HHAT: variants seen among roughly 807,000 people sequenced by gnomAD.
The protein encoded by HHAT is protein-cysteine N-palmitoyltransferase HHAT.
Under a neutral mutation model 70.8 loss-of-function variants are expected in HHAT, and 47 were observed. The ratio of observed to expected loss-of-function variants is 0.66; its 90% CI spans 0.53 to 0.85. The LOEUF is 0.85. HHAT is among the 40% of genes least tolerant of loss of function. HHAT has a pLI of 0.00. For missense variants in HHAT, 609 were observed against 604.8 expected (o/e 1.01, Z -0.07); for synonymous variants, 228 against 247.6 (o/e 0.92, Z 0.74).
In HHAT at chr1:210,674,392, C is replaced by G. The variant is rs760058152; in HGVS notation, c.*13C>G. On this transcript the variant is annotated 3_prime_UTR_variant, in exon 12 of 12. Coordinates refer to ENST00000261458, the MANE Select transcript of HHAT (RefSeq NM_018194.6). ...CGCCACGGACTAATGCTGTTGGGCCCAGGCCAGTCCTTGTTGCTGGCCTCC... is the reference window on the plus strand; with the variant it reads ...CGCCACGGACTAATGCTGTTGGGCCGAGGCCAGTCCTTGTTGCTGGCCTCC... 1 of 1,607,984 alleles carries G rather than the reference C, an allele frequency of 6.2e-7. No homozygotes were observed. Among genetic ancestry groups the G allele is most frequent in the Admixed American group, 1.7e-5 (1 of 60,000 alleles).
At chr1:210,543,273 G>T (rs2095448846) in intron 9 of HHAT, among the ~76,000 whole-genome samples, 1 of 151,946 alleles carries the variant, frequency 6.6e-6, no homozygotes, top group African/African-American at 2.4e-5. Flanking sequence ...TCAGTAGGAT[G>T]GTTTGGCATG....
chr1:210,606,210 T>A (rs948897778), intron 10 of HHAT, among the ~76,000 whole-genome samples: 3 of 152,176 alleles, frequency 2.0e-5, no homozygotes, highest in Non-Finnish European at 4.4e-5. Context: ...TTATGAAATG[T>A]TAGCATCTTA....
intron 8 of HHAT, among the ~76,000 whole-genome samples, chr1:210,494,243 TG>T (rs2094596097): frequency 6.6e-6 from 1 of 152,136 alleles, no homozygotes; most frequent in South Asian, 2.1e-4. Flanking sequence ...TGATGTGTCT[TG>T]GGTCTTTAAA....
chr1:210,465,623 C>T (rs116444270), intron 8 of HHAT, among the ~76,000 whole-genome samples: 199 of 152,306 alleles, frequency 1.3e-3, no homozygotes, highest in African/African-American at 4.6e-3. Context: ...CAGGCTTATT[C>T]ATTCTTAAAT....
chr1:210,515,208 G>C (rs1356743547), intron 9 of HHAT, among the ~76,000 whole-genome samples: 1 of 152,190 alleles, frequency 6.6e-6, no homozygotes, highest in Non-Finnish European at 1.5e-5. Flanking sequence ...TCCAACTGGG[G>C]AATGAGAAGT....
chr1:210,559,877 T>C lies in HHAT; in HGVS notation c.1044-28021T>C, dbSNP rs2095605730. Among the ~76,000 whole-genome samples the C allele has an allele frequency of 2.0e-5, 3 of 152,330 alleles. No homozygotes were observed. The South Asian group carries it at 6.2e-4, about 32-fold the overall frequency. The stretch of plus-strand genomic sequence containing the variant: ...TCAGACTCTATTATCTGAGAAATTA[T>C]GGCAATTCCTTCCCAAAGACATTTC... On this transcript the variant is annotated intron_variant, in intron 9 of 11. Transcript: ENST00000261458.
At chr1:210,667,505 A>G (rs538803479) in intron 11 of HHAT, among the ~76,000 whole-genome samples, 1 of 152,360 alleles carries the variant, frequency 6.6e-6, no homozygotes, top group African/African-American at 2.4e-5. Context: ...CAAATCTATG[A>G]TTTGCTAACA....
intron 10 of HHAT, among the ~76,000 whole-genome samples, chr1:210,616,094 G>A (rs546342888): frequency 7.0e-4 from 107 of 152,290 alleles, no homozygotes; most frequent in African/African-American, 2.5e-3. Flanking sequence ...ACACAAAGAT[G>A]TATTGGGCAA....
intron 1 of HHAT, among the ~76,000 whole-genome samples, chr1:210,334,388 T>G (rs2085293624): frequency 6.6e-6 from 1 of 151,840 alleles, no homozygotes; most frequent in Non-Finnish European, 1.5e-5. Flanking sequence ...ACTCCTGGGC[T>G]CAAGTCGTCT....
intron 9 of HHAT, among the ~76,000 whole-genome samples, chr1:210,517,020 C>T (rs1003335741): frequency 1.6e-4 from 25 of 152,176 alleles, no homozygotes; most frequent in Non-Finnish European, 2.9e-4. Flanking sequence ...TGAGCCCAGT[C>T]CTGCATCTTA....
chr1:210,530,454 G>T (rs1292225163), intron 9 of HHAT, among the ~76,000 whole-genome samples: 1 of 152,116 alleles, frequency 6.6e-6, no homozygotes, highest in Non-Finnish European at 1.5e-5. Context: ...ATTAATTAGA[G>T]GAGATTCATT....
chr1:210,340,861 G>C (rs866917401), intron 1 of HHAT, among the ~76,000 whole-genome samples: 6 of 152,240 alleles, frequency 3.9e-5, no homozygotes, highest in Middle Eastern at 3.4e-3. Flanking sequence ...ATAGTGAGGT[G>C]GCTGAGGGAA....
At chr1:210,672,291 G>T (rs1476046305) in intron 11 of HHAT, among the ~76,000 whole-genome samples, 7 of 152,160 alleles carry the variant, frequency 4.6e-5, no homozygotes, top group Admixed American at 4.6e-4. Context: ...ATAACAAGAA[G>T]AGAACCTGTA....
chr1:210,340,024 T>G (rs2085866374), intron 1 of HHAT, among the ~76,000 whole-genome samples: 1 of 151,950 alleles, frequency 6.6e-6, no homozygotes, highest in African/African-American at 2.4e-5. Flanking sequence ...TTATGTGGGT[T>G]GAAGAATAAG....
chr1:210,619,478 C>G (rs1668416691), intron 10 of HHAT, among the ~76,000 whole-genome samples: 1 of 152,178 alleles, frequency 6.6e-6, no homozygotes. Context: ...ATGCATTTCT[C>G]TGGGTCTCAG....
At chr1:210,336,812 G>A (rs1278876266) in intron 1 of HHAT, among the ~76,000 whole-genome samples, 2 of 152,092 alleles carry the variant, frequency 1.3e-5, no homozygotes, top group African/African-American at 4.8e-5. Context: ...GAAAAAGGAA[G>A]CCTTAAGGTT....
intron 4 of HHAT, among the ~76,000 whole-genome samples, chr1:210,394,921 A>G (rs1276112182): frequency 6.6e-6 from 1 of 152,114 alleles, no homozygotes; most frequent in Non-Finnish European, 1.5e-5. Context: ...CTTTGCTCCC[A>G]GGAAATGGGA....
chr1:210,622,767 G>GT (rs1669098455), intron 10 of HHAT, among the ~76,000 whole-genome samples: 1 of 152,222 alleles, frequency 6.6e-6, no homozygotes, highest in African/African-American at 2.4e-5. Context: ...AGCATGTCAG[G>GT]TTTAGGGGGT....
intron 8 of HHAT, among the ~76,000 whole-genome samples, chr1:210,499,826 A>G (rs912600302): frequency 3.9e-4 from 59 of 152,340 alleles, no homozygotes; most frequent in African/African-American, 1.4e-3. Context: ...CTCTACTTAT[A>G]TCTTAGTCAA....
Sources: allele counts gnomAD v4.1 joint callset (sites outside exome capture counted in the v4.1 genomes callset), GRCh38; gene constraint gnomAD v4.1.1; transcripts MANE v1.5; gene names NCBI Gene and HGNC (gene_info 2026-07-23, HGNC 2026-07-21).